The following CKAP5 variants were observed in gnomAD, a reference collection of about 807,000 sequenced individuals.
The protein encoded by CKAP5 is cytoskeleton-associated protein 5.
Under a neutral mutation model 232.8 loss-of-function variants are expected in CKAP5, and 27 were observed. The ratio of observed to expected loss-of-function variants is 0.12; its 90% CI spans 0.09 to 0.16. The LOEUF is 0.16. Among genes scored for constraint, CKAP5 ranks in the 10% least tolerant of loss-of-function variants. The pLI, the probability that CKAP5 is intolerant of heterozygous loss-of-function variation, is 1.00. For synonymous variants in CKAP5, 785 were observed against 841.1 expected, an observed-to-expected ratio of 0.93 and a Z score of 1.16; for missense variants, 1,838 against 2,424.7, an observed-to-expected ratio of 0.76 and a Z score of 5.08.
At chr11:46,768,942 CA>C (rs1424697015) in intron 26 of CKAP5, among the ~76,000 whole-genome samples, 1 of 150,666 alleles carries the variant, frequency 6.6e-6, no homozygotes, top group East Asian at 2.0e-4. Flanking sequence ...TATTTTGAGA[CA>C]GAGTCTTGCT....
chr11:46,759,106 T>C lies in CKAP5; in HGVS notation c.4569-63A>G, dbSNP rs571578536. On this transcript the variant is annotated intron_variant, in intron 34 of 43. Coordinates refer to ENST00000529230, the MANE Select transcript of CKAP5 (RefSeq NM_001008938.4). ...TACAAGACATCCCAGTCAGTTGGAG[T>C]TATACAATTCTCCACTAGGTCCAGG... The C allele has an allele frequency of 2.5e-6, 4 of 1,580,404 alleles. No homozygotes were observed. The South Asian group carries it at 3.5e-5, about 14-fold the overall frequency.
chr11:46,765,312 T>C (rs2065193302), intron 27 of CKAP5, 56 bp from the exon 28 acceptor site: 1 of 1,492,526 alleles, frequency 6.7e-7, no homozygotes, highest in Non-Finnish European at 9.0e-7. Context: ...CTTAAGAATA[T>C]GATGCTGCTG....
chr11:46,749,457 GAAAAAA>G (rs951405505), intron 42 of CKAP5, among the ~76,000 whole-genome samples: 3 of 76,488 alleles, frequency 3.9e-5, no homozygotes, highest in African/African-American at 1.3e-4. Flanking sequence ...TCCGTCTCAA[GAAAAAA>G]AAAAAAAAAA....
At chr11:46,775,036 C>T (rs1223353475) in intron 24 of CKAP5, among the ~76,000 whole-genome samples, 2 of 152,104 alleles carry the variant, frequency 1.3e-5, no homozygotes, top group East Asian at 3.8e-4. Context: ...AAACTATCAT[C>T]AGAGTGAACA....
chr11:46,795,678 A>T lies in CKAP5; in HGVS notation c.1566T>A (p.Ala522=). The change falls in exon 13 of 44, where the codon GCT becomes GCA. Residue 522 remains alanine, a synonymous_variant. Transcript: ENST00000529230. ...CCTTATCTCCTGCAGCCCCTGAAGC[A>T]GCAGTCCTTCCAGGCAGAGGTTTGA... The part of the protein sequence containing the change: ...KEFKPLPGRT[A]ASGAAGDKDT... 2 of 1,614,184 alleles carry T rather than the reference A, an allele frequency of 1.2e-6. No homozygotes were observed. Among genetic ancestry groups the T allele is most frequent in the South Asian group, 2.2e-5 (2 of 91,078 alleles).
At chr11:46,758,875 C>T in intron 35 of CKAP5, 48 bp downstream of exon 35, 1 of 1,605,270 alleles carries the variant, frequency 6.2e-7, no homozygotes, top group East Asian at 2.2e-5. Flanking sequence ...ACATTTATAG[C>T]CTCTATGTCC....
chr11:46,845,651 G>C (rs547090380), intron 1 of CKAP5, among the ~76,000 whole-genome samples: 2 of 152,158 alleles, frequency 1.3e-5, no homozygotes, highest in African/African-American at 2.4e-5. Flanking sequence ...GAACGCTCCC[G>C]ACACGTTGAG....
At chr11:46,831,207 TATA>T (rs1354723216) in intron 1 of CKAP5, among the ~76,000 whole-genome samples, 25 of 152,284 alleles carry the variant, frequency 1.6e-4, no homozygotes, top group African/African-American at 5.8e-4. Context: ...CAGCATCTTT[TATA>T]ATAATGTTTT....
intron 1 of CKAP5, among the ~76,000 whole-genome samples, chr11:46,836,544 C>T (rs1187967374): frequency 6.6e-6 from 1 of 152,122 alleles, no homozygotes; most frequent in East Asian, 1.9e-4. Context: ...GAGACCCCAT[C>T]TCTTTAAAAT....
intron 24 of CKAP5, among the ~76,000 whole-genome samples, chr11:46,774,221 A>G (rs982947643): frequency 2.0e-5 from 3 of 152,184 alleles, no homozygotes; most frequent in African/African-American, 7.2e-5. Flanking sequence ...ATTCCTATAC[A>G]CCAATAATGG....
At chr11:46,762,310 G>T in intron 31 of CKAP5, 117 bp from the exon 32 acceptor site, 1 of 1,134,994 alleles carries the variant, frequency 8.8e-7, no homozygotes, top group Non-Finnish European at 1.3e-6. Flanking sequence ...CTCTGGCTCT[G>T]CCTAGGATTT....
chr11:46,748,292 C>G (rs1320937535), intron 42 of CKAP5, among the ~76,000 whole-genome samples: 1 of 152,060 alleles, frequency 6.6e-6, no homozygotes, highest in Non-Finnish European at 1.5e-5. Flanking sequence ...GAAGATAGTA[C>G]AGTAATACAG....
intron 8 of CKAP5, among the ~76,000 whole-genome samples, chr11:46,802,563 C>T (rs7131241): frequency 0.61 from 91,195 of 148,806 alleles, 28,877 homozygotes; most frequent in Non-Finnish European, 0.73. Context: ...GACAGACACA[C>T]ACACACACAC....
chr11:46,744,910 G>A (rs551013673), intron 42 of CKAP5, among the ~76,000 whole-genome samples: 1 of 152,144 alleles, frequency 6.6e-6, no homozygotes, highest in Non-Finnish European at 1.5e-5. Context: ...TACTGTAATT[G>A]CCCAACTGAA....
chr11:46,802,549 G>GACACACAC (rs761221755), intron 8 of CKAP5, among the ~76,000 whole-genome samples: 32 of 122,406 alleles, frequency 2.6e-4, no homozygotes, highest in South Asian at 9.3e-4. Context: ...CAGACAGACA[G>GACACACAC]ACAGACAGAC....
chr11:46,756,469 T>C (rs575965850), intron 35 of CKAP5, among the ~76,000 whole-genome samples: 1 of 152,340 alleles, frequency 6.6e-6, no homozygotes, highest in East Asian at 1.9e-4. Context: ...TAAGAGTAAG[T>C]TGTCAATCTG....
Position 46,791,524 on chromosome 11 carries a change from A to T in CKAP5, c.1651-941T>A, listed in dbSNP as rs566135843. Reference sequence around the variant, plus strand: ...CCATCTCTACAAAAAATACAAAAAAATTAGCCAGGTGTGTTGGTGTATGCC... The same window carrying T: ...CCATCTCTACAAAAAATACAAAAAATTTAGCCAGGTGTGTTGGTGTATGCC... On this transcript the variant is annotated intron_variant, in intron 13 of 43. Transcript: ENST00000529230. 2.4e-4 allele frequency among the ~76,000 whole-genome samples: 36 copies of T among 152,102 alleles called. 1 individual carries two copies. The South Asian group carries it at 7.5e-3, about 32-fold the overall frequency.
intron 8 of CKAP5, among the ~76,000 whole-genome samples, chr11:46,804,423 T>A (rs1390554269): frequency 2.0e-5 from 3 of 152,104 alleles, no homozygotes; most frequent in Non-Finnish European, 2.9e-5. Context: ...AGAAAAACAA[T>A]GACTTCTGTC....
At chr11:46,821,867 C>T (rs909936440) in intron 1 of CKAP5, among the ~76,000 whole-genome samples, 1 of 151,764 alleles carries the variant, frequency 6.6e-6, no homozygotes, top group African/African-American at 2.4e-5. Context: ...GGTGAAATCC[C>T]GTCTCAATTG....
Sources: gnomAD v4.1 joint callset for allele counts (sites outside exome capture counted in the v4.1 genomes callset) on GRCh38, gnomAD v4.1.1 for gene constraint, MANE v1.5 for transcripts, NCBI Gene and HGNC (gene_info 2026-07-23, HGNC 2026-07-21) for gene names.